The following CYP2J2 variants were observed in gnomAD, a reference collection of about 807,000 sequenced individuals.
The protein encoded by CYP2J2 is cytochrome P450 2J2.
A neutral mutation model predicts 48.8 loss-of-function variants in CYP2J2; 41 were observed. The observed-to-expected ratio is 0.84, with a 90% CI of 0.66 to 1.09. The LOEUF (loss-of-function observed/expected upper bound fraction) is 1.09, where lower values mean the gene tolerates loss of function less well. Ranked by LOEUF, CYP2J2 falls within the 50% of genes least tolerant of loss-of-function variation. The pLI is 0.00. For synonymous variants in CYP2J2, 221 were observed against 227.1 expected (o/e 0.97, Z 0.24); for missense variants, 644 against 617.3 (o/e 1.04, Z -0.46).
At chr1:59,941,140 C>A in the CYP2J2 span, among the ~76,000 whole-genome samples, 2 of 152,322 alleles carry the variant, frequency 1.3e-5, no homozygotes, top group Non-Finnish European at 1.5e-5. Context: ...CTCTAACACA[C>A]CTTTTCCTGA....
intron 4 of CYP2J2, 50 bp from the exon 5 acceptor site, chr1:59,910,010 T>C: frequency 6.9e-7 from 1 of 1,450,368 alleles, no homozygotes; most frequent in Non-Finnish European, 9.4e-7. Context: ...TGCCATTTTT[T>C]TCTTTTTAAG....
chr1:59,913,180 CG>C (rs1306993918), intron 2 of CYP2J2: 2 of 152,128 alleles, frequency 1.3e-5, no homozygotes, highest in Non-Finnish European at 2.9e-5. Flanking sequence ...TCCAGATTTT[CG>C]TCCTAATTCT....
chr1:59,907,644 G>T, intron 6 of CYP2J2, 142 bp downstream of exon 6: 6 of 763,988 alleles, frequency 7.9e-6, no homozygotes, highest in South Asian at 2.2e-5. Context: ...TGAAGAATGT[G>T]CAGTTTCCAA....
At chr1:59,952,307 CTTTT>C in the CYP2J2 span, among the ~76,000 whole-genome samples, 3 of 140,044 alleles carry the variant, frequency 2.1e-5, no homozygotes, top group Non-Finnish European at 4.7e-5. Flanking sequence ...TATGCGTATG[CTTTT>C]TTTTTTTTTT....
At position 59,904,964 on chromosome 1, in the gene CYP2J2, G is replaced by A. The variant is rs1396501905; in HGVS notation, c.1098C>T (p.Ile366=). Residue 366 remains isoleucine, a synonymous_variant, in exon 7 of 9, where the codon ATC becomes ATT. Transcript: ENST00000371204. ...TGTTGCCCATTCTCTGCACCTCATG[G>A]ATGACAGCATTGGTGTAGGGCATGG... ...RESMPYTNAV[I]HEVQRMGNII... is the part of the protein sequence containing the mutation. 6.2e-7 allele frequency: 1 copy of A among 1,613,760 alleles called. No individual in the cohort carries two copies. Among genetic ancestry groups the A allele is most frequent in the Non-Finnish European group, 8.5e-7 (1 of 1,179,874 alleles).
intron 1 of CYP2J2, among the ~76,000 whole-genome samples, chr1:59,918,185 A>C (rs1042218599): frequency 6.6e-6 from 1 of 152,160 alleles, no homozygotes; most frequent in African/African-American, 2.4e-5. Flanking sequence ...CACATTAAGC[A>C]ATTTTTTTAA....
chr1:59,916,180 G>C (rs901012867), intron 1 of CYP2J2, 80 bp from the exon 2 acceptor site: 1 of 1,244,956 alleles, frequency 8.0e-7, no homozygotes. Context: ...TAGCTGGAGG[G>C]GATCATATTG....
At chr1:59,965,438 A>G in the CYP2J2 span, among the ~76,000 whole-genome samples, 1 of 152,218 alleles carries the variant, frequency 6.6e-6, no homozygotes, top group Non-Finnish European at 1.5e-5. Flanking sequence ...GACATTTGTC[A>G]CATTTGGGAA....
At chr1:59,906,979 A>T (rs1644370260) in intron 6 of CYP2J2, among the ~76,000 whole-genome samples, 3 of 152,210 alleles carry the variant, frequency 2.0e-5, no homozygotes, top group Admixed American at 2.0e-4. Context: ...CCACAATTTG[A>T]AAAACTGTAT....
At chr1:59,967,824 T>C in the CYP2J2 span, among the ~76,000 whole-genome samples, 2 of 152,226 alleles carry the variant, frequency 1.3e-5, no homozygotes. Flanking sequence ...AAAATTGTTT[T>C]ATTTATATTT....
the CYP2J2 span, among the ~76,000 whole-genome samples, chr1:59,956,973 C>T: frequency 6.6e-6 from 1 of 152,094 alleles, no homozygotes; most frequent in Non-Finnish European, 1.5e-5. Context: ...GGAGGGATCA[C>T]ATGGAAAAGC....
the CYP2J2 span, among the ~76,000 whole-genome samples, chr1:59,953,380 C>A: frequency 9.3e-4 from 142 of 152,036 alleles, no homozygotes; most frequent in African/African-American, 3.3e-3. Context: ...AACACCATGA[C>A]AACAGCCTGC....
At chr1:59,959,985 A>G in the CYP2J2 span, among the ~76,000 whole-genome samples, 1 of 152,092 alleles carries the variant, frequency 6.6e-6, no homozygotes, top group Non-Finnish European at 1.5e-5. Flanking sequence ...AATGTCAGAA[A>G]TCACCACTGA....
At chr1:59,938,863 T>A in the CYP2J2 span, among the ~76,000 whole-genome samples, 1 of 152,264 alleles carries the variant, frequency 6.6e-6, no homozygotes, top group Admixed American at 6.5e-5. Flanking sequence ...CTTTCCGCAG[T>A]GCATTGTGCC....
chr1:59,962,269 C>A, the CYP2J2 span, among the ~76,000 whole-genome samples: 1 of 152,028 alleles, frequency 6.6e-6, no homozygotes, highest in Admixed American at 6.6e-5. Context: ...ATGGGACAAA[C>A]CTAAAAGTAT....
upstream of CYP2J2, among the ~76,000 whole-genome samples, chr1:59,931,195 A>G (rs1006738483): frequency 1.3e-5 from 2 of 152,202 alleles, no homozygotes; most frequent in African/African-American, 4.8e-5. Flanking sequence ...CCTAGGGAGC[A>G]GAAACCACCA....
chr1:59,935,025 T>TATACATATATATATATATACAC, the CYP2J2 span, among the ~76,000 whole-genome samples: 1 of 85,840 alleles, frequency 1.2e-5, no homozygotes, highest in East Asian at 3.9e-4. Flanking sequence ...CATATATATA[T>TATACATATATATATATATACAC]ATATATATAT....
chr1:59,940,106 G>T, the CYP2J2 span, among the ~76,000 whole-genome samples: 1 of 152,138 alleles, frequency 6.6e-6, no homozygotes, highest in Non-Finnish European at 1.5e-5. Flanking sequence ...GTGCCAAAGT[G>T]CCCTTTATTT....
chr1:59,952,722 GTCA>G, the CYP2J2 span, among the ~76,000 whole-genome samples: 4 of 152,132 alleles, frequency 2.6e-5, no homozygotes, highest in African/African-American at 9.7e-5. Context: ...TAAACTGGGA[GTCA>G]TCATTTATTC....
Sources: gnomAD v4.1 joint callset for allele counts (sites outside exome capture counted in the v4.1 genomes callset) on GRCh38, gnomAD v4.1.1 for gene constraint, MANE v1.5 for transcripts, NCBI Gene and HGNC (gene_info 2026-07-23, HGNC 2026-07-21) for gene names.